EYS: variants seen among roughly 807,000 people sequenced by gnomAD.
The protein encoded by EYS is protein eyes shut homolog.
EYS carries 250 observed loss-of-function variants against 282.1 expected under a neutral mutation model. The ratio of observed to expected loss-of-function variants is 0.89; its 90% CI spans 0.80 to 0.98. The LOEUF (loss-of-function observed/expected upper bound fraction) is 0.98, where lower values mean the gene tolerates loss of function less well. Ranked by LOEUF, EYS falls within the 50% of genes least tolerant of loss-of-function variation. EYS has a pLI of 0.00. For missense variants in EYS, 4,016 were observed against 3,709.0 expected (o/e 1.08, Z -2.15); for synonymous variants, 1,355 against 1,282.9 (o/e 1.06, Z -1.20).
intron 19 of EYS, among the ~76,000 whole-genome samples, chr6:64,860,715 C>T (rs1189732271): frequency 6.6e-6 from 1 of 152,212 alleles, no homozygotes; most frequent in Non-Finnish European, 1.5e-5. Flanking sequence ...GTTTGTGTTA[C>T]AGCTCTTTCA....
At chr6:64,371,518 G>A (rs1284712404) in intron 29 of EYS, among the ~76,000 whole-genome samples, 1 of 151,978 alleles carries the variant, frequency 6.6e-6, no homozygotes, top group Non-Finnish European at 1.5e-5. Flanking sequence ...TCTATAGTAT[G>A]TTTATTAGGT....
intron 29 of EYS, among the ~76,000 whole-genome samples, chr6:64,346,146 G>A (rs1028411041): frequency 7.9e-5 from 12 of 151,950 alleles, no homozygotes; most frequent in African/African-American, 2.7e-4. Context: ...CAGTGTGGTG[G>A]TTCCTCAGGG....
Position 64,590,962 on chromosome 6 carries a change from A to G in EYS, c.4905T>C (p.Ser1635=), listed in dbSNP as rs1766387542. The change falls in exon 26 of 43, where the codon AGT becomes AGC. Residue 1635 remains serine (S), a synonymous_variant. Transcript: ENST00000503581. ...ATGAGGATAAAATTGTTCTTTTTGCACTCTTTTTAGAAGGAAATAAAGATG... is the reference window on the plus strand; with the variant it reads ...ATGAGGATAAAATTGTTCTTTTTGCGCTCTTTTTAGAAGGAAATAAAGATG... ...EVPSLFPSKK[S]AKRTILSSSL... 3.9e-6 allele frequency: 6 copies of G among 1,551,056 alleles called. No homozygotes were observed. In the African/African-American group the frequency reaches 5.5e-5, roughly 14 times the overall value.
chr6:65,487,029 C>G (rs1036630383), intron 5 of EYS, among the ~76,000 whole-genome samples: 1 of 152,104 alleles, frequency 6.6e-6, no homozygotes, highest in Non-Finnish European at 1.5e-5. Flanking sequence ...GATTTTGTAT[C>G]CTGAGACTTT....
At chr6:64,896,308 G>A (rs941091909) in intron 18 of EYS, among the ~76,000 whole-genome samples, 5 of 152,230 alleles carry the variant, frequency 3.3e-5, no homozygotes, top group South Asian at 4.1e-4. Flanking sequence ...GTGGGGCACT[G>A]CCTCACCTGG....
intron 31 of EYS, among the ~76,000 whole-genome samples, chr6:64,179,410 T>C (rs1183733585): frequency 6.6e-6 from 1 of 152,068 alleles, no homozygotes. Context: ...AAAGTAACTT[T>C]CAGAGTTTTT....
chr6:64,023,909 G>T (rs911978209), intron 33 of EYS, among the ~76,000 whole-genome samples: 1 of 152,246 alleles, frequency 6.6e-6, no homozygotes, highest in African/African-American at 2.4e-5. Context: ...GCACCGAGGG[G>T]CTTAGCACCT....
Position 65,607,981 on chromosome 6 carries a change from G to C in EYS, c.-333+31797C>G, listed in dbSNP as rs552796442. Among the ~76,000 whole-genome samples the C allele has an allele frequency of 5.9e-5, 9 of 152,002 alleles. 1 individual carries two copies. The highest frequency in any genetic ancestry group is 2.2e-4 in the African/African-American group (9 of 41,522). ...ATTCTTATATTTTTATCTTTATCTT[G>C]CTAAAGAATAAGAATATATTCCACT... On this transcript the variant is annotated intron_variant, in intron 2 of 42. Coordinates refer to ENST00000503581, the MANE Select transcript of EYS (RefSeq NM_001142800.2).
intron 12 of EYS, among the ~76,000 whole-genome samples, chr6:65,226,973 G>A (rs1377265336): frequency 1.3e-5 from 2 of 152,044 alleles, no homozygotes; most frequent in Non-Finnish European, 2.9e-5. Context: ...AGTGGCTCAC[G>A]CCTGTAATCC....
At chr6:65,021,391 G>T (rs948843482) in intron 13 of EYS, among the ~76,000 whole-genome samples, 5 of 152,156 alleles carry the variant, frequency 3.3e-5, no homozygotes, top group African/African-American at 1.2e-4. Context: ...CTTTGCTCTA[G>T]TTCCCAACAA....
intron 22 of EYS, among the ~76,000 whole-genome samples, chr6:64,701,575 C>G (rs1271804027): frequency 6.6e-6 from 1 of 151,948 alleles, no homozygotes; most frequent in Non-Finnish European, 1.5e-5. Context: ...GAACTGGAGG[C>G]CTTATCTTAA....
intron 31 of EYS, among the ~76,000 whole-genome samples, chr6:64,196,863 G>A (rs1349150987): frequency 6.6e-6 from 1 of 151,874 alleles, no homozygotes; most frequent in African/African-American, 2.4e-5. Flanking sequence ...CCTGCACATT[G>A]TGCACATGTA....
At chr6:64,106,626 TTGTGTG>T (rs35062611) in intron 31 of EYS, among the ~76,000 whole-genome samples, 10 of 150,486 alleles carry the variant, frequency 6.6e-5, no homozygotes, top group African/African-American at 2.2e-4. Flanking sequence ...GTAGCTGGTT[TTGTGTG>T]TGTGTGTGTG....
chr6:64,387,329 C>A (rs534431034), intron 29 of EYS, among the ~76,000 whole-genome samples: 2 of 152,148 alleles, frequency 1.3e-5, no homozygotes, highest in East Asian at 3.9e-4. Flanking sequence ...ATTGCTTCTG[C>A]ATGTTTATAT....
At chr6:65,276,789 A>T (rs1768059597) in intron 12 of EYS, among the ~76,000 whole-genome samples, 1 of 152,086 alleles carries the variant, frequency 6.6e-6, no homozygotes, top group Non-Finnish European at 1.5e-5. Flanking sequence ...AGAAGCAGGG[A>T]TTTATCCTAG....
At chr6:64,516,658 G>C (rs1777567546) in intron 26 of EYS, among the ~76,000 whole-genome samples, 2 of 151,656 alleles carry the variant, frequency 1.3e-5, no homozygotes, top group African/African-American at 4.8e-5. Context: ...CACAGTTACA[G>C]TCCTAGATTC....
At chr6:64,283,036 T>C (rs1768365268) in intron 30 of EYS, among the ~76,000 whole-genome samples, 1 of 152,164 alleles carries the variant, frequency 6.6e-6, no homozygotes, top group South Asian at 2.1e-4. Flanking sequence ...GGCTATAAAT[T>C]TCCTAGGAAG....
chr6:64,624,950 G>C (rs1242649395), intron 23 of EYS, among the ~76,000 whole-genome samples: 1 of 152,108 alleles, frequency 6.6e-6, no homozygotes, highest in Non-Finnish European at 1.5e-5. Context: ...ATCAAAGCAT[G>C]TATCAGCCTC....
intron 41 of EYS, among the ~76,000 whole-genome samples, chr6:63,756,719 T>A (rs1270546106): frequency 6.6e-6 from 1 of 152,120 alleles, no homozygotes; most frequent in Non-Finnish European, 1.5e-5. Context: ...GGAACATAAA[T>A]TGTGAAGATT....
Sources: gnomAD v4.1 joint callset for allele counts (sites outside exome capture counted in the v4.1 genomes callset) on GRCh38, gnomAD v4.1.1 for gene constraint, MANE v1.5 for transcripts, NCBI Gene and HGNC (gene_info 2026-07-23, HGNC 2026-07-21) for gene names.